CACNA1I: variants seen among roughly 807,000 people sequenced by gnomAD.
CACNA1I encodes voltage-dependent T-type calcium channel subunit alpha-1I.
Under a neutral mutation model 201.6 loss-of-function variants are expected in CACNA1I, and 74 were observed. That is an observed-to-expected ratio of 0.37 (90% confidence interval 0.30 to 0.45). The LOEUF is 0.45. Among genes scored for constraint, CACNA1I ranks in the 20% least tolerant of loss-of-function variants. CACNA1I has a pLI of 1.00. For missense variants in CACNA1I, 2,346 were observed against 3,138.1 expected, an observed-to-expected ratio of 0.75 and a Z score of 6.03; for synonymous variants, 1,431 against 1,345.2, an observed-to-expected ratio of 1.06 and a Z score of -1.40.
chr22:39,607,564 A>C (rs2146378555), intron 3 of CACNA1I, among the ~76,000 whole-genome samples: 1 of 152,342 alleles, frequency 6.6e-6, no homozygotes, highest in Non-Finnish European at 1.5e-5. Flanking sequence ...CATGATTCCC[A>C]GTCTGGGAAC....
intron 7 of CACNA1I, among the ~76,000 whole-genome samples, chr22:39,645,659 G>A (rs1934466687): frequency 6.6e-6 from 1 of 152,196 alleles, no homozygotes; most frequent in Non-Finnish European, 1.5e-5. Context: ...CAGCCATGGA[G>A]AACCTCCTGG....
chr22:39,660,186 T>C (rs771149942), intron 14 of CACNA1I, among the ~76,000 whole-genome samples, 158 bp from the exon 15 acceptor site: 1 of 152,206 alleles, frequency 6.6e-6, no homozygotes, highest in Non-Finnish European at 1.5e-5. Context: ...TGTAGGGTTG[T>C]GACCTAGGTT....
chr22:39,603,008 A>G (rs5995755), intron 3 of CACNA1I, among the ~76,000 whole-genome samples: 78,911 of 151,810 alleles, frequency 0.52, 22,197 homozygotes, highest in African/African-American at 0.7. Context: ...AAAATTAGCC[A>G]GGTGTTTGTG....
intron 10 of CACNA1I, among the ~76,000 whole-genome samples, chr22:39,657,540 G>A (rs577021984): frequency 7.2e-5 from 11 of 152,330 alleles, no homozygotes; most frequent in Non-Finnish European, 5.9e-5. Flanking sequence ...CTGCATGGGC[G>A]GGGGTTAAGG....
At chr22:39,674,911 G>A (rs1467705016) in intron 29 of CACNA1I, among the ~76,000 whole-genome samples, 1 of 152,238 alleles carries the variant, frequency 6.6e-6, no homozygotes, top group Non-Finnish European at 1.5e-5. Flanking sequence ...GGTGAGTTCT[G>A]TTCCTGAATT....
At chr22:39,588,266 G>A (rs1932780520) in intron 1 of CACNA1I, among the ~76,000 whole-genome samples, 1 of 150,724 alleles carries the variant, frequency 6.6e-6, no homozygotes, top group Non-Finnish European at 1.5e-5. Context: ...CTAAGTAACT[G>A]GGACCACAGG....
Position 39,664,777 on chromosome 22 carries a change from C to G in CACNA1I, c.3705C>G (p.Tyr1235Ter). ...GCCTGTACTTCGGCGAGCAGGCGTACCTACGCAGCAGCTGGAACGTGCTGG... is the reference window on the plus strand; with the variant it reads ...GCCTGTACTTCGGCGAGCAGGCGTAGCTACGCAGCAGCTGGAACGTGCTGG... The part of the protein sequence containing the change: ...SLGLYFGEQA[Y>*]LRSSWNVLDG... Residue 1235 changes from tyrosine (Y) to a stop codon, truncating the protein, a stop_gained, in exon 21 of 37, where the codon TAC (tyrosine) becomes TAG (stop). Transcript: ENST00000402142. LOFTEE classifies it high-confidence loss of function. The G allele has an allele frequency of 6.3e-7, 1 of 1,596,734 alleles. No individual in the cohort carries two copies. The highest frequency in any genetic ancestry group is 8.5e-7 in the Non-Finnish European group (1 of 1,170,326).
intron 1 of CACNA1I, among the ~76,000 whole-genome samples, chr22:39,582,949 T>TATCCATCCATCC (rs201453826): frequency 1.0e-5 from 1 of 95,944 alleles, no homozygotes; most frequent in Admixed American, 1.1e-4. Context: ...AGCATCCAAC[T>TATCCATCCATCC]ATCCATCCAT....
chr22:39,605,340 G>C (rs1210017365), intron 3 of CACNA1I, among the ~76,000 whole-genome samples: 2 of 152,112 alleles, frequency 1.3e-5, no homozygotes, highest in Non-Finnish European at 2.9e-5. Flanking sequence ...TCTGTTCCCA[G>C]GCTGCCCCTG....
Position 39,686,322 on chromosome 22 carries a change from G to T in CACNA1I, c.6589G>T (p.Gly2197Cys). 7.6e-7 allele frequency: 1 copy of T among 1,317,074 alleles called. No homozygotes were observed. Among genetic ancestry groups the T allele is most frequent in the East Asian group, 3.2e-5 (1 of 31,002 alleles). 81.6% of individuals were successfully genotyped at this position (1,317,074 alleles called of 1,614,324 possible). ...DPPGRAPLPMGLGPLAPPPQP... is the reference protein window; with the variant it reads ...DPPGRAPLPMCLGPLAPPPQP... ...CCCCGGCCGGGCACCGCTGCCCATGGGCCTGGGCCCCTTGGCGCCCCCGCC... is the reference window on the plus strand; with the variant it reads ...CCCCGGCCGGGCACCGCTGCCCATGTGCCTGGGCCCCTTGGCGCCCCCGCC... The change falls in exon 37 of 37, where the codon GGC becomes TGC. Residue 2197 changes from glycine to cysteine, a missense_variant. This residue lies in a region of CACNA1I where 187 missense variants were observed against 151.0 expected (regional missense o/e 1.24). Coordinates refer to ENST00000402142, the MANE Select transcript of CACNA1I (RefSeq NM_021096.4).
chr22:39,675,767 G>A (rs1267059617), intron 29 of CACNA1I, among the ~76,000 whole-genome samples: 1 of 152,222 alleles, frequency 6.6e-6, no homozygotes, highest in East Asian at 1.9e-4. Flanking sequence ...GGGGTGGGGA[G>A]GAGGCATTTT....
chr22:39,627,593 C>T (rs1277933303), intron 4 of CACNA1I, among the ~76,000 whole-genome samples: 1 of 152,266 alleles, frequency 6.6e-6, no homozygotes, highest in Non-Finnish European at 1.5e-5. Context: ...AGGAAGGCCT[C>T]AGGATTCCTT....
At chr22:39,672,066 G>A in intron 26 of CACNA1I, 133 bp from the exon 27 acceptor site, 2 of 641,496 alleles carry the variant, frequency 3.1e-6, no homozygotes, top group Non-Finnish European at 5.7e-6. Flanking sequence ...AAGAATAAAA[G>A]CAGCATATAA....
chr22:39,647,928 C>G lies in CACNA1I; in HGVS notation c.1567+2C>G, dbSNP rs755290286. 10 of 1,612,708 alleles carry G rather than the reference C, an allele frequency of 6.2e-6. No individual in the cohort carries two copies. The highest frequency in any genetic ancestry group is 1.7e-4 in the Middle Eastern group (1 of 5,872). On this transcript the variant is annotated splice_donor_variant, in intron 9 of 36. Transcript: ENST00000402142. LOFTEE classifies it high-confidence loss of function. Reference sequence around the variant, plus strand: ...CTGGAAATGATCACTCGGGAAGAGGCAAGCCAGGGCCACGGGAGGTGGGCC... The same window carrying G: ...CTGGAAATGATCACTCGGGAAGAGGGAAGCCAGGGCCACGGGAGGTGGGCC...
rs745621557 is a variant in CACNA1I at position 39,677,948 on chromosome 22, T to A, written c.4934-39T>A. 6.5e-7 allele frequency: 1 copy of A among 1,549,092 alleles called. No individual in the cohort carries two copies. Among genetic ancestry groups the A allele is most frequent in the South Asian group, 1.2e-5 (1 of 83,164 alleles). ...AGGTCAGGGTGAGCCCCGCAGGCAC[T>A]CCGCCATCGGGCAGGGCTGACCTCC... On this transcript the variant is annotated intron_variant, in intron 30 of 36. Coordinates refer to ENST00000402142, the MANE Select transcript of CACNA1I (RefSeq NM_021096.4). The surrounding 1 kb of genome is among the most constrained non-coding windows in gnomAD (Gnocchi z 4.8).
chr22:39,655,591 C>T (rs546736504), intron 10 of CACNA1I, among the ~76,000 whole-genome samples: 1 of 152,284 alleles, frequency 6.6e-6, no homozygotes, highest in African/African-American at 2.4e-5. Context: ...TCTTCACATC[C>T]GTGTCCCTGC....
chr22:39,674,083 C>A, intron 29 of CACNA1I, 50 bp downstream of exon 29: 1 of 1,556,938 alleles, frequency 6.4e-7, no homozygotes, highest in Non-Finnish European at 8.8e-7. Context: ...TGGTGTCAGG[C>A]TGGGCCCTGG....
chr22:39,652,020 A>G (rs2146433841), intron 10 of CACNA1I, among the ~76,000 whole-genome samples: 1 of 144,144 alleles, frequency 6.9e-6, no homozygotes. Context: ...AAGCTTTCCA[A>G]CCTCGGATCT....
rs1029811360 is a variant in CACNA1I at position 39,602,576 on chromosome 22, T to G, written c.482+1923T>G. ...TAGTTTTTTTTTAAAAGAAAAGGTG[T>G]TTGGATAGTGTCATTTTTCAATCTT... is the stretch of plus-strand genomic sequence containing the variant. On this transcript the variant is annotated intron_variant, in intron 3 of 36. Coordinates refer to ENST00000402142, the MANE Select transcript of CACNA1I (RefSeq NM_021096.4). Among the ~76,000 whole-genome samples, 6 of 152,048 alleles carry G rather than the reference T, an allele frequency of 3.9e-5. No homozygotes were observed. The South Asian group carries it at 1.2e-3, about 32-fold the overall frequency.
Sources: gnomAD v4.1 joint callset for allele counts (sites outside exome capture counted in the v4.1 genomes callset) on GRCh38, gnomAD v4.1.1 for gene constraint, gnomAD v4.1.1 regional missense constraint, Gnocchi (gnomAD v3.1) non-coding constraint, MANE v1.5 for transcripts, NCBI Gene and HGNC (gene_info 2026-07-23, HGNC 2026-07-21) for gene names.